The following CHFR variants were observed in gnomAD, a reference collection of about 807,000 sequenced individuals.
CHFR encodes E3 ubiquitin-protein ligase CHFR.
Under a neutral mutation model 87.6 loss-of-function variants are expected in CHFR, and 57 were observed. The ratio of observed to expected loss-of-function variants is 0.65; its 90% confidence interval spans 0.53 to 0.81. The LOEUF (loss-of-function observed/expected upper bound fraction) is 0.81, where lower values mean the gene tolerates loss of function less well. Among genes scored for constraint, CHFR ranks in the 30% least tolerant of loss-of-function variants. The pLI, the probability that CHFR is intolerant of heterozygous loss-of-function variation, is 0.00. For synonymous variants in CHFR, 381 were observed against 359.2 expected (o/e 1.06, Z -0.69); for missense variants, 797 against 865.8 (o/e 0.92, Z 1.00).
At chr12:132,870,685 C>T in intron 5 of CHFR, 39 bp downstream of exon 5, 1 of 1,412,344 alleles carries the variant, frequency 7.1e-7, no homozygotes. Context: ...TGCTATAGCT[C>T]CTAACATGCA....
In CHFR at chr12:132,857,283, G is replaced by C. The variant is rs1951100750; in HGVS notation, c.1066+122C>G. On this transcript the variant is annotated intron_variant, in intron 9 of 17. Transcript: ENST00000450056. Reference sequence around the variant, plus strand: ...AGGGACCACCCTCACGTGCCCGGGTGCTGGTGGAGGGACAGCCCTCACGTG... The same window carrying C: ...AGGGACCACCCTCACGTGCCCGGGTCCTGGTGGAGGGACAGCCCTCACGTG... 3.9e-6 allele frequency: 4 copies of C among 1,033,638 alleles called. No individual in the cohort carries two copies. The South Asian group carries it at 4.6e-5, about 12-fold the overall frequency. The allele number at this position is 1,033,638 out of a possible 1,614,324, so 64.0% of individuals were successfully genotyped here.
Position 132,836,973 on chromosome 12 carries a change from G to T in CHFR, c.*4581C>A. On this transcript the variant is annotated 3_prime_UTR_variant, in exon 18 of 18. Coordinates refer to ENST00000450056, the MANE Select transcript of CHFR (RefSeq NM_001161346.2). Reference sequence around the variant, plus strand: ...GTAAACAGATGTTTCCTTTCCGATAGTGACAGGTGCTGGGGGGAAACTAGA... The same window carrying T: ...GTAAACAGATGTTTCCTTTCCGATATTGACAGGTGCTGGGGGGAAACTAGA... 2.8e-6 allele frequency: 1 copy of T among 362,876 alleles called. No homozygotes were observed. The highest frequency in any genetic ancestry group is 3.6e-5 in the Admixed American group (1 of 27,436). The allele number at this position is 362,876 out of a possible 1,614,324, so 22.5% of individuals were successfully genotyped here.
intron 12 of CHFR, among the ~76,000 whole-genome samples, chr12:132,851,395 C>G (rs1950940023): frequency 6.6e-6 from 1 of 152,088 alleles, no homozygotes; most frequent in Non-Finnish European, 1.5e-5. Flanking sequence ...CCAAGCCGAG[C>G]CCCCGGTGGA....
rs930183182 is a variant in CHFR, at chr12:132,856,551, G to A, written c.1146C>T (p.Val382=). 6.2e-7 allele frequency: 1 copy of A among 1,614,206 alleles called. No homozygotes were observed. Among genetic ancestry groups the A allele is most frequent in the African/African-American group, 1.3e-5 (1 of 75,064 alleles). ...KITQDMLQPK[V]RRSFSDEEGS... ...CTTCTTCATCAGAAAAAGACCGCCT[G>A]ACTTTGGGCTGCAGCATGTCTTGAG... Residue 382 remains valine (V), a synonymous_variant, in exon 10 of 18, where the codon GTC becomes GTT. Transcript: ENST00000450056.
At chr12:132,885,419 TATAAATAAATAAATAAATAA>T (rs141735852) in intron 2 of CHFR, among the ~76,000 whole-genome samples, 172 of 146,620 alleles carry the variant, frequency 1.2e-3, no homozygotes, top group African/African-American at 3.9e-3. Flanking sequence ...TCAAAAAATA[TATAAATAAATAAATAAATAA>T]ATAAATAAAT....
At position 132,853,501 on chromosome 12, in the gene CHFR, T is replaced by G; in HGVS notation, c.1302A>C (p.Ala434=). Residue 434 remains alanine (A), a synonymous_variant, in exon 11 of 18, where the codon GCA becomes GCC. Coordinates refer to ENST00000450056, the MANE Select transcript of CHFR (RefSeq NM_001161346.2). The stretch of plus-strand genomic sequence containing the variant: ...GTGGGGCTCCTGGCTCGCCCTCGGG[T>G]GCTGGGCAGTGGGGAGGCTGCGCCG... ...RQAAQPPHCP[A]PEGEPGAPQA... 1 of 1,534,356 alleles carries G rather than the reference T, an allele frequency of 6.5e-7. No homozygotes were observed. The highest frequency in any genetic ancestry group is 8.7e-7 in the Non-Finnish European group (1 of 1,145,570).
chr12:132,854,340 T>C (rs866298542), intron 10 of CHFR: 3 of 152,172 alleles, frequency 2.0e-5, no homozygotes, highest in African/African-American at 7.2e-5. Flanking sequence ...ATAACAAACT[T>C]ATCAAACGTC....
In CHFR at chr12:132,877,638, G is replaced by A. The variant is rs1371415158; in HGVS notation, c.150C>T (p.Phe50=). ...IGRRRGCDLS[F]PSNKLVSGDH... ...CTCCAGAGACCAGTTTATTGCTGGGGAAGGAAAGGTCGCAACCTAAAAAAG... is the reference window on the plus strand; with the variant it reads ...CTCCAGAGACCAGTTTATTGCTGGGAAAGGAAAGGTCGCAACCTAAAAAAG... The change falls in exon 3 of 18, where the codon TTC becomes TTT. Residue 50 remains phenylalanine (F), a synonymous_variant. Coordinates refer to ENST00000450056, the MANE Select transcript of CHFR (RefSeq NM_001161346.2). 4 of 1,612,716 alleles carry A rather than the reference G, an allele frequency of 2.5e-6. No individual in the cohort carries two copies. The highest frequency in any genetic ancestry group is 3.4e-6 in the Non-Finnish European group (4 of 1,179,426).
intron 12 of CHFR, 148 bp from the exon 13 acceptor site, chr12:132,848,872 C>A (rs940764531): frequency 1.3e-5 from 8 of 604,694 alleles, no homozygotes; most frequent in Non-Finnish European, 2.1e-5. Flanking sequence ...CCACATCCAG[C>A]TAACGCCACC....
intron 7 of CHFR, among the ~76,000 whole-genome samples, chr12:132,860,502 C>T (rs758668795): frequency 5.9e-5 from 9 of 152,176 alleles, no homozygotes; most frequent in Non-Finnish European, 1.0e-4. Flanking sequence ...ACCGATCAAC[C>T]CCACGTGTCA....
In CHFR at chr12:132,847,086, G is replaced by A. The variant is rs749821203; in HGVS notation, c.1692C>T (p.Thr564=). The change falls in exon 15 of 18, where the codon ACC becomes ACT. Residue 564 remains threonine, a synonymous_variant. Coordinates refer to ENST00000450056, the MANE Select transcript of CHFR (RefSeq NM_001161346.2). ...TRGLTWKNML[T]ESLVALQRGV... ...CCCGCTGGAGAGCCACGAGGCTCTC[G>A]GTCAACATGTTTTTCCATGTCAAAC... is the stretch of plus-strand genomic sequence containing the variant. The A allele has an allele frequency of 1.9e-5, 30 of 1,613,546 alleles. No individual in the cohort carries two copies. In the Admixed American group the frequency reaches 3.2e-4, roughly 17 times the overall value.
chr12:132,844,718 C>G (rs1345962456), intron 15 of CHFR, among the ~76,000 whole-genome samples: 1 of 152,136 alleles, frequency 6.6e-6, no homozygotes, highest in East Asian at 1.9e-4. Context: ...GCAACCTCCA[C>G]CTCCTGCGTT....
At chr12:132,875,386 A>G (rs974542039) in intron 3 of CHFR, among the ~76,000 whole-genome samples, 33 of 152,350 alleles carry the variant, frequency 2.2e-4, no homozygotes, top group African/African-American at 7.7e-4. Context: ...TCACACTTGC[A>G]ATCCCAGCAC....
At chr12:132,867,205 CATCAACAG>C (rs1951365514) in intron 6 of CHFR, 1 of 152,390 alleles carries the variant, frequency 6.6e-6, no homozygotes, top group Non-Finnish European at 1.5e-5. Flanking sequence ...GTAAAAACCA[CATCAACAG>C]AAGTGGAAAC....
chr12:132,857,435 G>C lies in CHFR; in HGVS notation c.1036C>G (p.Leu346Val), dbSNP rs1255988921. The C allele has an allele frequency of 1.3e-5, 21 of 1,614,116 alleles. No homozygotes were observed. The highest frequency in any genetic ancestry group is 1.7e-5 in the Non-Finnish European group (20 of 1,180,042). The change falls in exon 9 of 18, where the codon CTC becomes GTC. Residue 346 changes from leucine (L) to valine (V), a missense_variant. By Grantham distance (32) the Leu-to-Val change is conservative. This residue lies in a region of CHFR where 597 missense variants were observed against 601.2 expected (regional missense o/e 0.99). Coordinates refer to ENST00000450056, the MANE Select transcript of CHFR (RefSeq NM_001161346.2). The stretch of plus-strand genomic sequence containing the variant: ...TGCTGGATGAGGTATGCTTCCACGA[G>C]GTTGTTGAGGATGTGGTTTTTACAG... The part of the protein sequence containing the change: ...RICKNHILNN[L>V]VEAYLIQHPD...
rs1382340206 is a variant in CHFR at position 132,869,669 on chromosome 12, G to T, written c.533C>A (p.Ala178Asp). The change falls in exon 6 of 18, where the codon GCC becomes GAC. Residue 178 changes from alanine to aspartate, a missense_variant. Physicochemically the swap from Ala to Asp is moderately radical, Grantham distance 126. Transcript: ENST00000450056. ...TGCAGGAGAAGGCTCCGTGGAAGAG[G>T]CCGAGGCTGTGGGGAAGAGGTCTGA... ...STSDLFPTAS[A>D]SSTEPSPAGR... 2.6e-6 allele frequency: 4 copies of T among 1,551,624 alleles called. No individual in the cohort carries two copies. The highest frequency in any genetic ancestry group is 3.5e-6 in the Non-Finnish European group (4 of 1,147,018).
At chr12:132,881,739 G>C (rs180679788) in intron 2 of CHFR, among the ~76,000 whole-genome samples, 1 of 152,152 alleles carries the variant, frequency 6.6e-6, no homozygotes, top group Non-Finnish European at 1.5e-5. Context: ...ATGGTGGCAC[G>C]TGCCTGTAGT....
chr12:132,873,883 ACT>A (rs1566200035), intron 3 of CHFR, among the ~76,000 whole-genome samples: 1 of 152,028 alleles, frequency 6.6e-6, no homozygotes, highest in Admixed American at 6.6e-5. Context: ...CCCTTTGATG[ACT>A]CCTCACTGCT....
rs764629991 is a variant in CHFR at position 132,857,437 on chromosome 12, T to C, written c.1034A>G (p.Asn345Ser). The stretch of plus-strand genomic sequence containing the variant: ...CTGGATGAGGTATGCTTCCACGAGG[T>C]TGTTGAGGATGTGGTTTTTACAGAT... ...ERICKNHILN[N>S]LVEAYLIQHP... Residue 345 changes from asparagine (N) to serine (S), a missense_variant, in exon 9 of 18, where the codon AAC (asparagine) becomes AGC (serine). Coordinates refer to ENST00000450056, the MANE Select transcript of CHFR (RefSeq NM_001161346.2). 1.1e-5 allele frequency: 17 copies of C among 1,613,960 alleles called. No homozygotes were observed. Among genetic ancestry groups the C allele is most frequent in the Non-Finnish European group, 1.4e-5 (17 of 1,179,980 alleles).
Sources: gnomAD v4.1 joint callset for allele counts (sites outside exome capture counted in the v4.1 genomes callset) on GRCh38, gnomAD v4.1.1 for gene constraint, gnomAD v4.1.1 regional missense constraint, MANE v1.5 for transcripts, NCBI Gene and HGNC (gene_info 2026-07-23, HGNC 2026-07-21) for gene names.